Variants in CDC14A observed in about 807,000 individuals in gnomAD.
The protein encoded by CDC14A is cell division cycle 14A.
CDC14A carries 53 observed loss-of-function variants against 74.4 expected under a neutral mutation model. The ratio of observed to expected loss-of-function variants is 0.71; its 90% confidence interval spans 0.57 to 0.89. CDC14A has a LOEUF of 0.89. Among genes scored for constraint, CDC14A ranks in the 40% least tolerant of loss-of-function variants. The pLI is 0.00. For missense variants in CDC14A, 646 were observed against 713.7 expected (o/e 0.91, Z 1.08); for synonymous variants, 247 against 258.4 (o/e 0.96, Z 0.43).
At chr1:100,368,093 A>T (rs186578398) in intron 2 of CDC14A, among the ~76,000 whole-genome samples, 1 of 152,180 alleles carries the variant, frequency 6.6e-6, no homozygotes, top group East Asian at 1.9e-4. Context: ...TAGGGAAAGG[A>T]TATTGTCTTC....
intron 13 of CDC14A, among the ~76,000 whole-genome samples, chr1:100,496,294 C>T (rs747410737): frequency 4.6e-5 from 7 of 151,464 alleles, no homozygotes; most frequent in Admixed American, 6.6e-5. Flanking sequence ...GTATTTTGTG[C>T]TCTTAGCACA....
At chr1:100,365,072 G>C (rs1303598990) in intron 2 of CDC14A, among the ~76,000 whole-genome samples, 1 of 152,206 alleles carries the variant, frequency 6.6e-6, no homozygotes, top group East Asian at 1.9e-4. Context: ...GGACAGGATT[G>C]ATAGTTGATA....
At chr1:100,491,548 C>CTCTCTCTA (rs1223420176) in intron 11 of CDC14A, among the ~76,000 whole-genome samples, 41 of 38,754 alleles carry the variant, frequency 1.1e-3, no homozygotes, top group East Asian at 4.3e-3. Flanking sequence ...CTCTCTCTCT[C>CTCTCTCTA]TATATATATA....
intron 4 of CDC14A, among the ~76,000 whole-genome samples, chr1:100,416,598 A>G (rs1262301009): frequency 6.6e-6 from 1 of 152,186 alleles, no homozygotes; most frequent in Non-Finnish European, 1.5e-5. Context: ...ATGTTTGTAT[A>G]CATAGACGGG....
chr1:100,393,725 G>A (rs1658053959), intron 4 of CDC14A: 2 of 370,784 alleles, frequency 5.4e-6, no homozygotes, highest in Non-Finnish European at 1.0e-5. Context: ...GGAGGCTGAG[G>A]CGGGCGGATC....
At chr1:100,349,980 T>G (rs1650785296), upstream of CDC14A, among the ~76,000 whole-genome samples, 1 of 17,550 alleles carries the variant, frequency 5.7e-5, no homozygotes, top group Non-Finnish European at 1.1e-4. Flanking sequence ...TGAAACATAG[T>G]TTTGCTCGTC....
intron 1 of CDC14A, 105 bp downstream of exon 1, chr1:100,353,108 C>A: frequency 7.9e-7 from 1 of 1,261,720 alleles, no homozygotes; most frequent in Non-Finnish European, 1.1e-6. Context: ...TGTCCTGCAG[C>A]CGCTGCGCGC....
At chr1:100,374,291 C>G (rs1301706258) in intron 2 of CDC14A, among the ~76,000 whole-genome samples, 3 of 152,126 alleles carry the variant, frequency 2.0e-5, no homozygotes, top group Non-Finnish European at 2.9e-5. Context: ...TTTATAGCAG[C>G]ATGATTTATA....
chr1:100,482,598 G>A (rs74103200), intron 10 of CDC14A, among the ~76,000 whole-genome samples: 385 of 152,114 alleles, frequency 2.5e-3, no homozygotes, highest in African/African-American at 9.0e-3. Flanking sequence ...TCATTTGTTT[G>A]CTTTTCTCAT....
intron 2 of CDC14A, among the ~76,000 whole-genome samples, chr1:100,361,941 T>C (rs1652801479): frequency 6.6e-6 from 1 of 151,906 alleles, no homozygotes; most frequent in Admixed American, 6.6e-5. Flanking sequence ...CTGGAAAGAA[T>C]TGGTTGACTG....
chr1:100,406,374 T>C (rs1659950205), intron 4 of CDC14A, among the ~76,000 whole-genome samples: 1 of 152,238 alleles, frequency 6.6e-6, no homozygotes, highest in African/African-American at 2.4e-5. Context: ...GCAGAAGCTC[T>C]TTAGTTCAAT....
chr1:100,390,159 G>A (rs899215404), intron 3 of CDC14A, among the ~76,000 whole-genome samples: 1 of 152,094 alleles, frequency 6.6e-6, no homozygotes. Flanking sequence ...GTAATGTGTT[G>A]TATTAAGATG....
At chr1:100,441,577 A>G (rs17122509) in intron 6 of CDC14A, among the ~76,000 whole-genome samples, 1,884 of 152,298 alleles carry the variant, frequency 0.012, 39 homozygotes, top group African/African-American at 0.043. Context: ...AGAGGAAAAA[A>G]AAGTGAATCC....
chr1:100,501,101 G>T lies in CDC14A; in HGVS notation c.1755+1839G>T, dbSNP rs141541373. Among the ~76,000 whole-genome samples, 8 of 152,142 alleles carry T rather than the reference G, an allele frequency of 5.3e-5. No homozygotes were observed. The East Asian group carries it at 1.5e-3, about 29-fold the overall frequency. ...CCCCTTAATCTGATTCTGATCCCAT[G>T]ATCCCACTATAAAAATTGGGTGTAT... On this transcript the variant is annotated intron_variant, in intron 15 of 15. Coordinates refer to ENST00000336454, the MANE Select transcript of CDC14A (RefSeq NM_003672.4).
chr1:100,445,624 CTCTG>C (rs1210227431), intron 7 of CDC14A, among the ~76,000 whole-genome samples: 1 of 152,204 alleles, frequency 6.6e-6, no homozygotes, highest in East Asian at 1.9e-4. Flanking sequence ...CTTCCTTCCT[CTCTG>C]TCTAACTTTA....
At chr1:100,489,878 C>G (rs1451373706) in intron 11 of CDC14A, among the ~76,000 whole-genome samples, 1 of 152,138 alleles carries the variant, frequency 6.6e-6, no homozygotes, top group East Asian at 1.9e-4. Context: ...CCTGGACTAG[C>G]TTAGGACAAG....
chr1:100,355,314 G>A (rs760842841), intron 2 of CDC14A, among the ~76,000 whole-genome samples: 53 of 152,208 alleles, frequency 3.5e-4, no homozygotes, highest in Non-Finnish European at 6.8e-4. Flanking sequence ...CAATTCTACA[G>A]TACAGTGGTT....
chr1:100,376,188 C>A (rs531895), intron 2 of CDC14A, among the ~76,000 whole-genome samples: 149,626 of 152,228 alleles, frequency 0.98, 73,544 homozygotes, highest in East Asian at 1. Flanking sequence ...GCATTGGGAG[C>A]TATACCTAAT....
At chr1:100,424,052 C>A (rs561628364) in intron 4 of CDC14A, 170 bp from the exon 5 acceptor site, 2 of 575,830 alleles carry the variant, frequency 3.5e-6, no homozygotes, top group Non-Finnish European at 6.3e-6. Context: ...AAGGCTGCTG[C>A]GCAGCTTCAT....
Sources: gnomAD v4.1 joint callset for allele counts (sites outside exome capture counted in the v4.1 genomes callset) on GRCh38, gnomAD v4.1.1 for gene constraint, MANE v1.5 for transcripts, NCBI Gene and HGNC (gene_info 2026-07-23, HGNC 2026-07-21) for gene names.